Variants in AGBL1 observed in about 807,000 individuals in gnomAD.
AGBL1 encodes the protein AGBL carboxypeptidase 1, also known as cytosolic carboxypeptidase 4.
A neutral mutation model predicts 118.9 loss-of-function variants in AGBL1; 130 were observed. The observed-to-expected ratio is 1.09, with a 90% CI of 0.95 to 1.26. The LOEUF (loss-of-function observed/expected upper bound fraction) is 1.26, where lower values mean the gene tolerates loss of function less well. AGBL1 is among the 50% of genes most tolerant of loss of function. The probability of loss-of-function intolerance (pLI) is 0.00; values close to 1 mark genes in which losing one functional copy is unlikely to be tolerated. For missense variants in AGBL1, 1,584 were observed against 1,298.1 expected, an observed-to-expected ratio of 1.22 and a Z score of -3.38; for synonymous variants, 555 against 478.9, an observed-to-expected ratio of 1.16 and a Z score of -2.08.
rs778712872 is a variant in AGBL1, at chr15:86,256,837, T to A, written c.736-16T>A. ...GCCCAGATGTTGGCATCTGATATAATCTTCCCTTTGCTCAGAACTGCCTGG... is the reference window on the plus strand; with the variant it reads ...GCCCAGATGTTGGCATCTGATATAAACTTCCCTTTGCTCAGAACTGCCTGG... On this transcript the variant is annotated splice_polypyrimidine_tract_variant and intron_variant, in intron 7 of 22. Transcript: ENST00000614907. The A allele has an allele frequency of 1.2e-6, 2 of 1,613,494 alleles. No individual in the cohort carries two copies. Among genetic ancestry groups the A allele is most frequent in the South Asian group, 2.2e-5 (2 of 91,000 alleles).
intron 1 of AGBL1, among the ~76,000 whole-genome samples, chr15:86,125,850 G>A (rs1243255163): frequency 6.6e-6 from 1 of 152,224 alleles, no homozygotes; most frequent in Non-Finnish European, 1.5e-5. Flanking sequence ...TATTCCTTAA[G>A]TGGGAGCATT....
At chr15:86,307,130 C>A (rs573133627) in intron 17 of AGBL1, among the ~76,000 whole-genome samples, 2 of 152,186 alleles carry the variant, frequency 1.3e-5, no homozygotes, top group South Asian at 2.1e-4. Flanking sequence ...AAAGAACTCA[C>A]CATTTTAGTG....
chr15:86,208,234 G>A (rs1304277864), intron 5 of AGBL1, among the ~76,000 whole-genome samples: 1 of 152,162 alleles, frequency 6.6e-6, no homozygotes, highest in Non-Finnish European at 1.5e-5. Flanking sequence ...GTAATTTATT[G>A]AGGATTTTTG....
chr15:86,264,636 A>G lies in AGBL1; in HGVS notation c.1465A>G (p.Arg489Gly). ...SASFSNSTRT[R>G]EVVKVIDKLL... ...CTCCTTTTCTAATTCCACTAGGACT[A>G]GAGAAGTTGTCAAAGTAATAGATAA... Residue 489 changes from arginine (R) to glycine (G), a missense_variant, in exon 11 of 23, where the codon AGA (arginine) becomes GGA (glycine). Coordinates refer to ENST00000614907, the MANE Select transcript of AGBL1 (RefSeq NM_001386094.1). 6.2e-7 allele frequency: 1 copy of G among 1,613,972 alleles called. No homozygotes were observed.
chr15:86,157,554 T>C (rs2077209024), intron 4 of AGBL1, among the ~76,000 whole-genome samples: 1 of 152,218 alleles, frequency 6.6e-6, no homozygotes, highest in African/African-American at 2.4e-5. Flanking sequence ...CTGATTCATC[T>C]TCTAAGCCTA....
At chr15:86,354,193 G>T (rs1392844215) in intron 17 of AGBL1, among the ~76,000 whole-genome samples, 1 of 152,182 alleles carries the variant, frequency 6.6e-6, no homozygotes, top group East Asian at 1.9e-4. Flanking sequence ...TCTGCATAGG[G>T]TGTTAAGGTA....
chr15:87,019,133 G>C (rs2081636797), intron 24 of AGBL1, among the ~76,000 whole-genome samples: 1 of 152,044 alleles, frequency 6.6e-6, no homozygotes, highest in African/African-American at 2.4e-5. Flanking sequence ...AGTTTTTAGA[G>C]ACCTACAAAA....
intron 18 of AGBL1, among the ~76,000 whole-genome samples, chr15:86,431,917 C>T (rs189420773): frequency 6.5e-4 from 99 of 152,254 alleles, no homozygotes; most frequent in Non-Finnish European, 1.1e-3. Context: ...CCTGAACACC[C>T]CAGGGCTACT....
At chr15:86,331,259 T>C (rs1321225297) in intron 17 of AGBL1, among the ~76,000 whole-genome samples, 2 of 149,734 alleles carry the variant, frequency 1.3e-5, no homozygotes, top group African/African-American at 2.4e-5. Context: ...CTGAGAAATA[T>C]GGAATTATGT....
chr15:86,726,536 C>T (rs1048880147), intron 22 of AGBL1, among the ~76,000 whole-genome samples: 7 of 152,218 alleles, frequency 4.6e-5, no homozygotes, highest in South Asian at 2.1e-4. Flanking sequence ...GCACAATACG[C>T]GGCTCTTAAA....
chr15:86,446,546 C>T (rs879457963), intron 18 of AGBL1, among the ~76,000 whole-genome samples: 27 of 152,296 alleles, frequency 1.8e-4, no homozygotes, highest in South Asian at 1.5e-3. Context: ...CAAATGCCTG[C>T]AAAGTTTCTG....
At chr15:86,390,113 A>G (rs1022863467) in intron 17 of AGBL1, among the ~76,000 whole-genome samples, 3 of 152,228 alleles carry the variant, frequency 2.0e-5, no homozygotes, top group South Asian at 2.1e-4. Flanking sequence ...CAGCAAAGCT[A>G]TATTTATACA....
chr15:86,630,884 C>T lies in AGBL1; in HGVS notation c.2995-43389C>T, dbSNP rs114384495. Among the ~76,000 whole-genome samples, 512 of 152,274 alleles carry T rather than the reference C, an allele frequency of 3.4e-3. 7 individuals are homozygous for T. Among genetic ancestry groups the T allele is most frequent in the African/African-American group, 0.012 (488 of 41,556 alleles). On this transcript the variant is annotated intron_variant, in intron 21 of 22. Transcript: ENST00000614907. ...CTTGGATCTGTTCAAACCCGGAGAG[C>T]GCACCAACAGATAACATGAGGAGGT...
chr15:86,692,854 C>A (rs776440251), intron 22 of AGBL1, among the ~76,000 whole-genome samples: 5 of 152,100 alleles, frequency 3.3e-5, no homozygotes, highest in East Asian at 3.9e-4. Flanking sequence ...TGAGAACATA[C>A]AATGTTTGGT....
chr15:86,438,060 C>T (rs145390313), intron 18 of AGBL1, among the ~76,000 whole-genome samples: 407 of 152,202 alleles, frequency 2.7e-3, no homozygotes, highest in African/African-American at 9.0e-3. Context: ...TGCGTGCCAC[C>T]ATGCCCAACT....
chr15:86,081,657 C>T (rs1336666880), intron 1 of AGBL1, among the ~76,000 whole-genome samples: 3 of 152,164 alleles, frequency 2.0e-5, no homozygotes, highest in Non-Finnish European at 4.4e-5. Context: ...GATTTAATAA[C>T]CAGGTACAAT....
chr15:86,272,716 T>C (rs2141695423), intron 15 of AGBL1, among the ~76,000 whole-genome samples: 1 of 152,336 alleles, frequency 6.6e-6, no homozygotes, highest in Non-Finnish European at 1.5e-5. Context: ...TGACAGTCTA[T>C]AAGACACAGA....
At chr15:86,388,539 T>G (rs2081230286) in intron 17 of AGBL1, among the ~76,000 whole-genome samples, 1 of 152,146 alleles carries the variant, frequency 6.6e-6, no homozygotes, top group South Asian at 2.1e-4. Context: ...CAAAAGATTT[T>G]AATTTTCCCA....
In AGBL1 at chr15:86,908,013, C is replaced by G. The variant is rs2080303689; in HGVS notation, c.*719C>G. ...ATAATGCTAGGAAGTACCAGACCTA[C>G]TGGAAAATTTATTCATTTCAGAATC... On this transcript the variant is annotated 3_prime_UTR_variant, in exon 23 of 23. Coordinates refer to ENST00000614907, the MANE Select transcript of AGBL1 (RefSeq NM_001386094.1). The G allele has an allele frequency of 6.6e-6, 1 of 152,182 alleles. No homozygotes were observed. Among genetic ancestry groups the G allele is most frequent in the Non-Finnish European group, 1.5e-5 (1 of 68,050 alleles). 9.4% of individuals were successfully genotyped at this position (152,182 alleles called of 1,614,324 possible). A position where few individuals can be genotyped will look rare whatever the true frequency, so the allele number is the denominator to read the frequency against.
Sources: gnomAD v4.1 joint callset for allele counts (sites outside exome capture counted in the v4.1 genomes callset) on GRCh38, gnomAD v4.1.1 for gene constraint, MANE v1.5 for transcripts, NCBI Gene and HGNC (gene_info 2026-07-23, HGNC 2026-07-21) for gene names.